The following HIVEP3 variants were observed in gnomAD, a reference collection of about 807,000 sequenced individuals.
HIVEP3 encodes the protein transcription factor HIVEP3.
Under a neutral mutation model 152.8 loss-of-function variants are expected in HIVEP3, and 49 were observed. That is an observed-to-expected ratio of 0.32 (90% CI 0.26 to 0.41). The LOEUF is 0.41. HIVEP3 is among the 10% of genes least tolerant of loss of function. The pLI, the probability that HIVEP3 is intolerant of heterozygous loss-of-function variation, is 1.00. For synonymous variants in HIVEP3, 1,269 were observed against 1,289.0 expected, an observed-to-expected ratio of 0.98 and a Z score of 0.33; for missense variants, 2,790 against 3,103.3, an observed-to-expected ratio of 0.90 and a Z score of 2.40.
chr1:41,955,738 G>A (rs569582843), intron 1 of HIVEP3, among the ~76,000 whole-genome samples: 1 of 152,318 alleles, frequency 6.6e-6, no homozygotes, highest in Admixed American at 6.5e-5. Flanking sequence ...GAGGTTTAAT[G>A]AGTTACCCGG....
intron 3 of HIVEP3, among the ~76,000 whole-genome samples, chr1:41,616,704 T>C (rs2182606): frequency 0.6 from 90,016 of 149,032 alleles, 27,542 homozygotes; most frequent in African/African-American, 0.7. Flanking sequence ...CCTCCCGCCT[T>C]AGCATCTTGA....
chr1:41,638,252 G>GAAAGAAAGAAAGAA (rs765809596), intron 2 of HIVEP3, among the ~76,000 whole-genome samples: 17 of 45,878 alleles, frequency 3.7e-4, no homozygotes, highest in Admixed American at 2.6e-3. Flanking sequence ...AATAAAGAAA[G>GAAAGAAAGAAAGAA]AGAGAGAAAG....
At chr1:41,849,935 C>T (rs1301365530) in intron 1 of HIVEP3, among the ~76,000 whole-genome samples, 3 of 152,174 alleles carry the variant, frequency 2.0e-5, no homozygotes, top group Non-Finnish European at 2.9e-5. Context: ...GGGATCCACC[C>T]ACCTTGGCCT....
At chr1:41,518,670 T>C (rs1569690613) in intron 6 of HIVEP3, among the ~76,000 whole-genome samples, 182 bp from the exon 7 acceptor site, 1 of 151,888 alleles carries the variant, frequency 6.6e-6, no homozygotes, top group East Asian at 1.9e-4. Flanking sequence ...GGCCCAGAAG[T>C]GTAGCCACAG....
intron 2 of HIVEP3, among the ~76,000 whole-genome samples, chr1:41,636,444 G>A (rs1399593946): frequency 1.3e-5 from 2 of 151,982 alleles, no homozygotes; most frequent in Non-Finnish European, 2.9e-5. Flanking sequence ...TGCTCTTAAT[G>A]GAAAAGATTA....
chr1:41,720,244 C>T (rs1419714772), intron 1 of HIVEP3, among the ~76,000 whole-genome samples: 1 of 152,206 alleles, frequency 6.6e-6, no homozygotes, highest in African/African-American at 2.4e-5. Context: ...CTGAGTGGGC[C>T]TCCAGGGCTG....
chr1:41,997,461 G>A (rs687534), intron 1 of HIVEP3, among the ~76,000 whole-genome samples: 9,370 of 152,264 alleles, frequency 0.062, 983 homozygotes, highest in African/African-American at 0.21. Flanking sequence ...GTTGCACTTC[G>A]TGTAAATTTT....
chr1:41,519,902 G>A (rs1642713258), intron 6 of HIVEP3, among the ~76,000 whole-genome samples: 1 of 152,140 alleles, frequency 6.6e-6, no homozygotes, highest in South Asian at 2.1e-4. Context: ...AGAGCTGGAT[G>A]GGAGGACAGA....
intron 6 of HIVEP3, among the ~76,000 whole-genome samples, chr1:41,521,710 T>C (rs1642763318): frequency 6.6e-6 from 1 of 152,194 alleles, no homozygotes; most frequent in African/African-American, 2.4e-5. Context: ...GGTAAAGTGA[T>C]GGGTGTCGGG....
chr1:41,711,852 T>C (rs575610117), intron 1 of HIVEP3, among the ~76,000 whole-genome samples: 17 of 152,190 alleles, frequency 1.1e-4, no homozygotes, highest in African/African-American at 3.6e-4. Context: ...CTCTAAACAA[T>C]GGGCTATTCT....
chr1:41,885,091 G>A (rs1644323861), intron 1 of HIVEP3, among the ~76,000 whole-genome samples: 1 of 152,142 alleles, frequency 6.6e-6, no homozygotes, highest in Non-Finnish European at 1.5e-5. Flanking sequence ...CCATGTTCCA[G>A]TCTCATATTG....
chr1:41,592,536 G>A (rs977501219), intron 3 of HIVEP3, among the ~76,000 whole-genome samples: 1 of 152,190 alleles, frequency 6.6e-6, no homozygotes, highest in African/African-American at 2.4e-5. Context: ...GTCAAAGTGA[G>A]CATCCATCTA....
In HIVEP3 at chr1:41,582,428, C is replaced by G; in HGVS notation, c.2370G>C (p.Arg790Ser). 6.2e-7 allele frequency: 1 copy of G among 1,614,086 alleles called. No homozygotes were observed. Among genetic ancestry groups the G allele is most frequent in the East Asian group, 2.2e-5 (1 of 44,898 alleles). Reference sequence around the variant, plus strand: ...CAGAAATTTCTTTGGACGTTGTTCTCCTCTCCTTCCCTGATTCTGAACCGG... The same window carrying G: ...CAGAAATTTCTTTGGACGTTGTTCTGCTCTCCTTCCCTGATTCTGAACCGG... ...PGSGSESGKERRTTSKEISVI... is the reference protein window; with the variant it reads ...PGSGSESGKESRTTSKEISVI... The change falls in exon 4 of 9, where the codon AGG becomes AGC. Residue 790 changes from arginine to serine, a missense_variant. By Grantham distance (110) the Arg-to-Ser change is moderately radical (BLOSUM62 -1). Coordinates refer to ENST00000372583, the MANE Select transcript of HIVEP3 (RefSeq NM_024503.5). The surrounding 1 kb of genome is among the most constrained non-coding windows in gnomAD (Gnocchi z 4.7).
intron 5 of HIVEP3, among the ~76,000 whole-genome samples, chr1:41,534,831 AT>A (rs1643358733): frequency 6.6e-6 from 1 of 152,180 alleles, no homozygotes. Flanking sequence ...CAGAACCTTG[AT>A]GGGCGCATAC....
Position 41,918,211 on chromosome 1 carries a change from G to A in HIVEP3, c.-801+202C>T, listed in dbSNP as rs1644904078. Among the ~76,000 whole-genome samples the A allele has an allele frequency of 1.3e-5, 2 of 152,172 alleles. No homozygotes were observed. Among genetic ancestry groups the A allele is most frequent in the Non-Finnish European group, 2.9e-5 (2 of 68,020 alleles). On this transcript the variant is annotated intron_variant, in intron 1 of 8. Coordinates refer to ENST00000372583, the MANE Select transcript of HIVEP3 (RefSeq NM_024503.5). The surrounding 1 kb of genome is among the most constrained non-coding windows in gnomAD (Gnocchi z 4.3). ...GCCGAGCAGCGCGCTCAGCCCACCG[G>A]GGGCACTGGCCGCCACGCGCAGCCC...
At chr1:41,559,182 C>T (rs1186659988) in intron 5 of HIVEP3, among the ~76,000 whole-genome samples, 1 of 152,118 alleles carries the variant, frequency 6.6e-6, no homozygotes, top group Admixed American at 6.5e-5. Flanking sequence ...TCAGCAGACT[C>T]CACTTGTCCA....
At chr1:41,674,843 T>C (rs1645931058) in intron 2 of HIVEP3, among the ~76,000 whole-genome samples, 2 of 152,126 alleles carry the variant, frequency 1.3e-5, no homozygotes, top group South Asian at 2.1e-4. Flanking sequence ...TACACAGCAA[T>C]GCACAAAGCC....
chr1:41,873,872 T>A lies in HIVEP3; in HGVS notation c.-801+44541A>T, dbSNP rs978652801. The stretch of plus-strand genomic sequence containing the variant: ...AATAAGGAACCCCTCTCCCAGAAGG[T>A]GGAGAAGCTTCTCAAAGCAACTGGC... On this transcript the variant is annotated intron_variant, in intron 1 of 8. Coordinates refer to ENST00000372583, the MANE Select transcript of HIVEP3 (RefSeq NM_024503.5). The surrounding 1 kb of genome is among the most constrained non-coding windows in gnomAD (Gnocchi z 4.2). 2.0e-5 allele frequency among the ~76,000 whole-genome samples: 3 copies of A among 152,174 alleles called. No individual in the cohort carries two copies. Among genetic ancestry groups the A allele is most frequent in the Non-Finnish European group, 4.4e-5 (3 of 68,024 alleles).
chr1:41,672,575 T>C (rs565515056), intron 2 of HIVEP3, among the ~76,000 whole-genome samples: 2 of 152,262 alleles, frequency 1.3e-5, no homozygotes, highest in South Asian at 4.1e-4. Flanking sequence ...CTGGAAGATG[T>C]TTATTATTTA....
Sources: gnomAD v4.1 joint callset for allele counts (sites outside exome capture counted in the v4.1 genomes callset) on GRCh38, gnomAD v4.1.1 for gene constraint, Gnocchi (gnomAD v3.1) non-coding constraint, MANE v1.5 for transcripts, NCBI Gene and HGNC (gene_info 2026-07-23, HGNC 2026-07-21) for gene names.